Variants in AMPH observed in about 807,000 individuals in gnomAD.
AMPH encodes the protein amphiphysin.
Under a neutral mutation model 99.1 loss-of-function variants are expected in AMPH, and 49 were observed. That is an observed-to-expected ratio of 0.49 (90% CI 0.39 to 0.63). AMPH has a LOEUF of 0.63. Among genes scored for constraint, AMPH ranks in the 20% least tolerant of loss-of-function variants. AMPH has a pLI of 0.00. For missense variants in AMPH, 759 were observed against 863.4 expected, an observed-to-expected ratio of 0.88 and a Z score of 1.52; for synonymous variants, 314 against 317.3, an observed-to-expected ratio of 0.99 and a Z score of 0.11.
chr7:38,630,252 A>G (rs80079671), intron 1 of AMPH, among the ~76,000 whole-genome samples: 2,031 of 152,326 alleles, frequency 0.013, 56 homozygotes, highest in African/African-American at 0.047. Context: ...GTTGATTTTC[A>G]AGTACAATGC....
intron 1 of AMPH, among the ~76,000 whole-genome samples, chr7:38,605,907 A>T (rs1793419889): frequency 6.6e-6 from 1 of 152,152 alleles, no homozygotes; most frequent in Non-Finnish European, 1.5e-5. Context: ...CTAGAAGTCT[A>T]AACTCGTAGG....
intron 17 of AMPH, among the ~76,000 whole-genome samples, chr7:38,415,605 C>T (rs967288003): frequency 2.0e-5 from 3 of 152,088 alleles, no homozygotes; most frequent in African/African-American, 7.2e-5. Flanking sequence ...ATTCTATTTT[C>T]CTAAGGAGAA....
At chr7:38,611,160 A>G (rs781741864) in intron 1 of AMPH, among the ~76,000 whole-genome samples, 4 of 152,248 alleles carry the variant, frequency 2.6e-5, no homozygotes, top group Non-Finnish European at 5.9e-5. Context: ...GCAATATGCA[A>G]GAACATGGAT....
Position 38,488,228 on chromosome 7 carries a change from T to G in AMPH, c.396+2822A>C, listed in dbSNP as rs542007881. Among the ~76,000 whole-genome samples, 8 of 152,314 alleles carry G rather than the reference T, an allele frequency of 5.3e-5. No individual in the cohort carries two copies. In the East Asian group the frequency reaches 1.5e-3, roughly 29 times the overall value. ...TACAATAAAGACACATGCACACGTA[T>G]GTTTATTGCAGTGCTATTCACAACA... On this transcript the variant is annotated intron_variant, in intron 5 of 20. Transcript: ENST00000356264.
chr7:38,449,618 C>T (rs1786928093), intron 11 of AMPH, among the ~76,000 whole-genome samples: 1 of 152,182 alleles, frequency 6.6e-6, no homozygotes, highest in Non-Finnish European at 1.5e-5. Context: ...TTGGTTACTC[C>T]TGCTCAAGGA....
At chr7:38,420,031 G>T (rs1291664847) in intron 16 of AMPH, among the ~76,000 whole-genome samples, 1 of 152,180 alleles carries the variant, frequency 6.6e-6, no homozygotes, top group Admixed American at 6.5e-5. Context: ...TGACAGTGCA[G>T]CTGTGGTCTA....
chr7:38,596,156 T>C (rs182583967), intron 1 of AMPH, among the ~76,000 whole-genome samples: 1 of 152,336 alleles, frequency 6.6e-6, no homozygotes, highest in African/African-American at 2.4e-5. Context: ...ACTCCAACTT[T>C]AGCTTGGATG....
At chr7:38,484,836 T>C (rs1788428027) in intron 5 of AMPH, among the ~76,000 whole-genome samples, 1 of 151,894 alleles carries the variant, frequency 6.6e-6, no homozygotes, top group African/African-American at 2.4e-5. Flanking sequence ...ATTTTGACAA[T>C]ATAAAGTATA....
At chr7:38,616,180 G>T (rs1206016185) in intron 1 of AMPH, among the ~76,000 whole-genome samples, 1 of 152,108 alleles carries the variant, frequency 6.6e-6, no homozygotes, top group East Asian at 1.9e-4. Context: ...TTAAAATGGT[G>T]ACCACTCCCC....
intron 7 of AMPH, among the ~76,000 whole-genome samples, chr7:38,470,909 C>G (rs1787858317): frequency 6.6e-6 from 1 of 152,124 alleles, no homozygotes; most frequent in Non-Finnish European, 1.5e-5. Context: ...ATGTCACTCT[C>G]TACTAAATTA....
chr7:38,557,340 C>T (rs1791402768), intron 1 of AMPH, among the ~76,000 whole-genome samples: 1 of 152,158 alleles, frequency 6.6e-6, no homozygotes, highest in African/African-American at 2.4e-5. Context: ...AATTGTAGCT[C>T]CCACAATCCT....
At chr7:38,596,193 G>A (rs1562851616) in intron 1 of AMPH, among the ~76,000 whole-genome samples, 1 of 152,180 alleles carries the variant, frequency 6.6e-6, no homozygotes, top group African/African-American at 2.4e-5. Context: ...AACAGCTACT[G>A]GTGTGAAAGG....
intron 1 of AMPH, among the ~76,000 whole-genome samples, chr7:38,569,737 G>A (rs578047140): frequency 4.6e-5 from 7 of 152,226 alleles, no homozygotes; most frequent in South Asian, 4.2e-4. Context: ...AGAGTAATCC[G>A]TGTGAGAGGT....
At chr7:38,445,410 G>T (rs1786736586) in intron 11 of AMPH, among the ~76,000 whole-genome samples, 1 of 152,018 alleles carries the variant, frequency 6.6e-6, no homozygotes, top group Admixed American at 6.6e-5. Context: ...AGAAAAAAAT[G>T]GATAAATTGG....
At chr7:38,570,428 C>T (rs1015198815) in intron 1 of AMPH, among the ~76,000 whole-genome samples, 2 of 152,082 alleles carry the variant, frequency 1.3e-5, no homozygotes, top group Non-Finnish European at 2.9e-5. Flanking sequence ...GTGTCAAAGA[C>T]AGATCAAATA....
chr7:38,584,689 G>A (rs1183123007), intron 1 of AMPH, among the ~76,000 whole-genome samples: 1 of 152,194 alleles, frequency 6.6e-6, no homozygotes, highest in East Asian at 1.9e-4. Flanking sequence ...TTTCTGACGA[G>A]AGAACTAGGG....
chr7:38,392,378 T>TGG (rs1784531777), intron 18 of AMPH, among the ~76,000 whole-genome samples: 1 of 2,554 alleles, frequency 3.9e-4, no homozygotes, highest in Admixed American at 4.4e-3. Flanking sequence ...GGCCTGGTTC[T>TGG]TTTTTTTTTT....
intron 11 of AMPH, among the ~76,000 whole-genome samples, chr7:38,442,693 A>G (rs565164919): frequency 1.3e-5 from 2 of 152,300 alleles, no homozygotes; most frequent in South Asian, 4.1e-4. Context: ...ATGCTGCTAA[A>G]GCAGTACTTA....
rs542220090 is a variant in AMPH at position 38,605,932 on chromosome 7, A to G, written c.69+25351T>C. On this transcript the variant is annotated intron_variant, in intron 1 of 20. Coordinates refer to ENST00000356264, the MANE Select transcript of AMPH (RefSeq NM_001635.4). ...AAACTCGTAGGAAAGAAAGCCCCTC[A>G]GTGCGAGTCTATGGCCATCCCTCAT... is the stretch of plus-strand genomic sequence containing the variant. Among the ~76,000 whole-genome samples, 235 of 152,274 alleles carry G rather than the reference A, an allele frequency of 1.5e-3. 2 individuals carry two copies. The highest frequency in any genetic ancestry group is 1.6e-3 in the Non-Finnish European group (107 of 68,020).
Sources: allele counts gnomAD v4.1 joint callset (sites outside exome capture counted in the v4.1 genomes callset), GRCh38; gene constraint gnomAD v4.1.1; transcripts MANE v1.5; gene names NCBI Gene and HGNC (gene_info 2026-07-23, HGNC 2026-07-21).